HYAL4: variants seen among roughly 807,000 people sequenced by gnomAD.
HYAL4 encodes hyaluronidase 4, also known as hyaluronidase-4.
HYAL4 carries 37 observed loss-of-function variants against 35.2 expected under a neutral mutation model. The observed-to-expected ratio is 1.05, with a 90% CI of 0.81 to 1.38. HYAL4 has a LOEUF of 1.38. Ranked by LOEUF, HYAL4 falls within the 40% of genes most tolerant of loss-of-function variation. The probability of loss-of-function intolerance (pLI) is 0.00; values close to 1 mark genes in which losing one functional copy is unlikely to be tolerated. For missense variants in HYAL4, 572 were observed against 572.4 expected (o/e 1.00, Z 0.01); for synonymous variants, 198 against 203.2 (o/e 0.97, Z 0.22).
chr7:123,874,806 G>T lies in HYAL4; in HGVS notation c.1000G>T (p.Ala334Ser). Residue 334 changes from alanine (A) to serine (S), a missense_variant, in exon 4 of 5, where the codon GCA becomes TCA. By Grantham distance (99) the Ala-to-Ser change is moderately conservative. Coordinates refer to ENST00000223026, the MANE Select transcript of HYAL4 (RefSeq NM_012269.3). ...AGGAGAAAGTGCTGCCTTGGGAGCT[G>T]CAGGCATTGTTATTTGGGGAGACAT... The part of the protein sequence containing the change: ...TIGESAALGA[A>S]GIVIWGDMNL... The T allele has an allele frequency of 1.2e-6, 2 of 1,610,044 alleles. No homozygotes were observed. Among genetic ancestry groups the T allele is most frequent in the Non-Finnish European group, 1.7e-6 (2 of 1,176,242 alleles).
chr7:123,810,950 CT>C, the HYAL4 span, among the ~76,000 whole-genome samples: 1 of 152,132 alleles, frequency 6.6e-6, no homozygotes, highest in African/African-American at 2.4e-5. Flanking sequence ...GTTTATTTCA[CT>C]TAGTAAGATG....
At chr7:123,809,827 C>T in the HYAL4 span, among the ~76,000 whole-genome samples, 13 of 152,230 alleles carry the variant, frequency 8.5e-5, no homozygotes, top group East Asian at 2.5e-3. Flanking sequence ...TGTCACATCC[C>T]ACTGGACAGG....
At chr7:123,828,463 C>CACACACACACA (rs397793196), upstream of HYAL4, among the ~76,000 whole-genome samples, 1 of 129,988 alleles carries the variant, frequency 7.7e-6, no homozygotes, top group Non-Finnish European at 1.8e-5. Context: ...CACACACACA[C>CACACACACACA]CTCTAAAAAC....
the HYAL4 span, among the ~76,000 whole-genome samples, chr7:123,821,952 C>CAT: frequency 6.6e-6 from 1 of 152,086 alleles, no homozygotes; most frequent in Non-Finnish European, 1.5e-5. Flanking sequence ...ATCAGTTGAT[C>CAT]ATATATGTGT....
At chr7:123,817,597 G>A in the HYAL4 span, among the ~76,000 whole-genome samples, 6 of 143,462 alleles carry the variant, frequency 4.2e-5, no homozygotes, top group Admixed American at 1.5e-4. Context: ...TGCAACCTCC[G>A]TCTCCTGGGT....
the HYAL4 span, chr7:123,814,504 TTGG>T: frequency 6.6e-6 from 1 of 152,580 alleles, no homozygotes; most frequent in African/African-American, 2.4e-5. Flanking sequence ...AAGGTGTCCC[TTGG>T]TGGAGATCAG....
chr7:123,820,864 G>C, the HYAL4 span, among the ~76,000 whole-genome samples: 3 of 152,046 alleles, frequency 2.0e-5, no homozygotes, highest in Non-Finnish European at 4.4e-5. Context: ...CTACGAGTTT[G>C]GCTATTTTAG....
the HYAL4 span, among the ~76,000 whole-genome samples, chr7:123,767,651 T>G: frequency 1.3e-5 from 2 of 152,250 alleles, no homozygotes; most frequent in Non-Finnish European, 2.9e-5. Context: ...CTCATTGTCC[T>G]GACCAGAGTC....
At chr7:123,832,708 A>C (rs1805904291) in intron 1 of HYAL4, among the ~76,000 whole-genome samples, 1 of 151,456 alleles carries the variant, frequency 6.6e-6, no homozygotes, top group African/African-American at 2.4e-5. Context: ...TCACTGTGTT[A>C]GCCAGGATGG....
At chr7:123,811,159 C>A in the HYAL4 span, among the ~76,000 whole-genome samples, 1 of 152,130 alleles carries the variant, frequency 6.6e-6, no homozygotes, top group Non-Finnish European at 1.5e-5. Flanking sequence ...CATTCTTGTG[C>A]AGATTTTTGT....
chr7:123,877,116 TC>T lies in HYAL4; in HGVS notation c.1408del (p.Leu470TyrfsTer4), dbSNP rs1807049381. The T allele has an allele frequency of 2.5e-6, 4 of 1,614,084 alleles. No individual in the cohort carries two copies. In the South Asian group the frequency reaches 4.4e-5, roughly 18 times the overall value. On this transcript the variant is annotated frameshift_variant, in exon 5 of 5. Transcript: ENST00000223026. LOFTEE classifies it low-confidence loss of function (END_TRUNC). ...CTCCTGGTTCACTAATGACACTTTG[TC>T]TACTGCTTTTAGCAAGTTATCGAAG... ...PSPGSLMTLCLLLLASYRSIQ... is the reference protein window; with the variant it reads ...PSPGSLMTLCXLLLASYRSIQ...
chr7:123,806,211 G>A, the HYAL4 span, among the ~76,000 whole-genome samples: 1 of 152,100 alleles, frequency 6.6e-6, no homozygotes, highest in Admixed American at 6.6e-5. Context: ...TGAGAGTGTT[G>A]CACTGGGAGC....
chr7:123,857,885 T>A (rs557029125), intron 2 of HYAL4, among the ~76,000 whole-genome samples: 15 of 152,066 alleles, frequency 9.9e-5, no homozygotes, highest in African/African-American at 3.4e-4. Context: ...AAAACTAGGC[T>A]CTTAAATGGA....
At chr7:123,788,784 A>G in the HYAL4 span, among the ~76,000 whole-genome samples, 23 of 152,374 alleles carry the variant, frequency 1.5e-4, no homozygotes, top group Admixed American at 1.3e-3. Flanking sequence ...TACCTTGGTT[A>G]CTGTGCAGTT....
intron 1 of HYAL4, among the ~76,000 whole-genome samples, chr7:123,834,011 G>T (rs1805923024): frequency 1.3e-5 from 2 of 152,112 alleles, no homozygotes; most frequent in African/African-American, 4.8e-5. Flanking sequence ...TTTGAAATCA[G>T]GTAGTGTGAT....
intron 2 of HYAL4, among the ~76,000 whole-genome samples, chr7:123,853,341 C>T (rs1330265140): frequency 6.6e-6 from 1 of 152,170 alleles, no homozygotes; most frequent in South Asian, 2.1e-4. Flanking sequence ...CCAGCTTTTG[C>T]CCATTCAGTA....
chr7:123,831,466 C>T (rs1262320756), intron 1 of HYAL4, among the ~76,000 whole-genome samples: 1 of 152,094 alleles, frequency 6.6e-6, no homozygotes, highest in East Asian at 1.9e-4. Flanking sequence ...TATGATTGCT[C>T]CTTTGTTATA....
intron 3 of HYAL4, among the ~76,000 whole-genome samples, chr7:123,873,313 T>C (rs1806931042): frequency 6.6e-6 from 1 of 151,502 alleles, no homozygotes; most frequent in South Asian, 2.1e-4. Flanking sequence ...ATTATAATCA[T>C]AGGGAATGAA....
chr7:123,815,146 C>T, the HYAL4 span: 16 of 152,662 alleles, frequency 1.0e-4, no homozygotes, highest in Non-Finnish European at 1.2e-4. Flanking sequence ...CAATACAATG[C>T]TGTTCTCTTA....
Sources: allele counts gnomAD v4.1 joint callset (sites outside exome capture counted in the v4.1 genomes callset), GRCh38; gene constraint gnomAD v4.1.1; transcripts MANE v1.5; gene names NCBI Gene and HGNC (gene_info 2026-07-23, HGNC 2026-07-21).